KNTC1: variants seen among roughly 807,000 people sequenced by gnomAD.
KNTC1 encodes kinetochore-associated protein 1.
In KNTC1, 253 loss-of-function variants were observed where a neutral mutation model predicts 314.4. The observed-to-expected ratio is 0.80, with a 90% CI of 0.73 to 0.89. KNTC1 has a LOEUF of 0.89. KNTC1 is among the 40% of genes least tolerant of loss of function. The probability of loss-of-function intolerance (pLI) is 0.00; values close to 1 mark genes in which losing one functional copy is unlikely to be tolerated. For synonymous variants in KNTC1, 901 were observed against 901.4 expected, an observed-to-expected ratio of 1.00 and a Z score of 0.01; for missense variants, 2,475 against 2,572.9, an observed-to-expected ratio of 0.96 and a Z score of 0.82.
intron 31 of KNTC1, among the ~76,000 whole-genome samples, chr12:122,578,948 A>G (rs79803293): frequency 0.035 from 5,337 of 151,930 alleles, 341 homozygotes; most frequent in African/African-American, 0.12. Flanking sequence ...AAAATATGAA[A>G]GTAAATGACT....
intron 19 of KNTC1, 127 bp from the exon 20 acceptor site, chr12:122,562,511 A>T: frequency 1.6e-6 from 1 of 616,826 alleles, no homozygotes; most frequent in Non-Finnish European, 3.0e-6. Context: ...GTCCTATGGG[A>T]ATTGAGTTGT....
rs907024989 is a variant in KNTC1, at chr12:122,561,045, C to T, written c.1489-876C>T. On this transcript the variant is annotated intron_variant, in intron 18 of 63. Coordinates refer to ENST00000333479, the MANE Select transcript of KNTC1 (RefSeq NM_014708.6). ...ATGGATTCTTGGCTGGGTGCAGTGG[C>T]TCATGCCTATAATCCTAGCACTTTG... is the stretch of plus-strand genomic sequence containing the variant. 1.2e-4 allele frequency among the ~76,000 whole-genome samples: 19 copies of T among 152,258 alleles called. 1 individual carries two copies. Among genetic ancestry groups the T allele is most frequent in the East Asian group, 5.8e-4 (3 of 5,170 alleles).
At chr12:122,570,450 C>T (rs896202667) in intron 22 of KNTC1, among the ~76,000 whole-genome samples, 1 of 149,438 alleles carries the variant, frequency 6.7e-6, no homozygotes, top group African/African-American at 2.5e-5. Flanking sequence ...CAGGAGGTTG[C>T]AGTGAACCGA....
chr12:122,585,581 C>T, intron 36 of KNTC1, 55 bp from the exon 37 acceptor site: 1 of 1,578,004 alleles, frequency 6.3e-7, no homozygotes, highest in Non-Finnish European at 8.7e-7. Context: ...CCAGAAGAAA[C>T]AATGTGTTGT....
chr12:122,566,993 C>T (rs924672905), intron 20 of KNTC1, among the ~76,000 whole-genome samples: 10 of 151,706 alleles, frequency 6.6e-5, no homozygotes, highest in Non-Finnish European at 1.0e-4. Flanking sequence ...GCTTGGCCAC[C>T]GAAAGTGCTG....
In KNTC1 at chr12:122,584,319, T is replaced by G. The variant is rs1419972138; in HGVS notation, c.3305T>G (p.Leu1102Trp). The G allele has an allele frequency of 1.2e-6, 2 of 1,613,654 alleles. No homozygotes were observed. Among genetic ancestry groups the G allele is most frequent in the Admixed American group, 3.3e-5 (2 of 59,996 alleles). ...CACTGCAATGCTGACACTGGGAAAT[T>G]GCTATTTCTGACATGTCAGAAGCTT... ...KYHCNADTGK[L>W]LFLTCQKLCQ... Residue 1102 changes from leucine to tryptophan, a missense_variant, in exon 35 of 64, where the codon TTG becomes TGG. Coordinates refer to ENST00000333479, the MANE Select transcript of KNTC1 (RefSeq NM_014708.6).
chr12:122,538,544 G>A, intron 4 of KNTC1, 90 bp downstream of exon 4: 1 of 727,774 alleles, frequency 1.4e-6, no homozygotes. Flanking sequence ...TACTTAACAT[G>A]TGTTTTAAAT....
At chr12:122,570,826 A>T in intron 22 of KNTC1, 50 bp from the exon 23 acceptor site, 1 of 1,119,818 alleles carries the variant, frequency 8.9e-7, no homozygotes, top group South Asian at 1.4e-5. Flanking sequence ...GTTTTTAGTT[A>T]TGTCAGTGAT....
intron 57 of KNTC1, 142 bp downstream of exon 57, chr12:122,615,668 C>T (rs891675483): frequency 7.8e-6 from 6 of 771,152 alleles, no homozygotes; most frequent in Non-Finnish European, 1.1e-5. Context: ...ACTCCTGTAA[C>T]CCCAACGCTT....
At chr12:122,557,827 A>G in intron 18 of KNTC1, 138 bp downstream of exon 18, 1 of 624,372 alleles carries the variant, frequency 1.6e-6, no homozygotes, top group Non-Finnish European at 2.8e-6. Context: ...ATAATAGCTT[A>G]ATGGAGATAA....
chr12:122,545,366 T>C (rs1234308145), intron 8 of KNTC1, among the ~76,000 whole-genome samples: 1 of 151,996 alleles, frequency 6.6e-6, no homozygotes, highest in Admixed American at 6.6e-5. Flanking sequence ...ACACCTGTGA[T>C]CACCCCACTT....
intron 21 of KNTC1, 149 bp downstream of exon 21, chr12:122,568,521 A>G (rs959877019): frequency 2.9e-6 from 2 of 700,132 alleles, no homozygotes; most frequent in Non-Finnish European, 2.6e-6. Flanking sequence ...TTTTGTTTGT[A>G]AAGGGCAAGG....
At chr12:122,594,237 G>T in intron 42 of KNTC1, 39 bp from the exon 43 acceptor site, 1 of 1,131,540 alleles carries the variant, frequency 8.8e-7, no homozygotes, top group South Asian at 1.3e-5. Context: ...TTTCAGTGTA[G>T]AGGGTTTTTT....
intron 30 of KNTC1, 46 bp downstream of exon 30, chr12:122,577,075 G>GTGT (rs537278544): frequency 1.9e-5 from 27 of 1,421,260 alleles, no homozygotes; most frequent in East Asian, 8.2e-5. Context: ...CTTTGTTTCT[G>GTGT]TGTTGTTGTT....
chr12:122,573,465 A>C (rs557764564), intron 26 of KNTC1, among the ~76,000 whole-genome samples, 180 bp downstream of exon 26: 2 of 152,316 alleles, frequency 1.3e-5, no homozygotes, highest in East Asian at 3.9e-4. Flanking sequence ...GGGGGGATAC[A>C]TGAGGACTGT....
intron 16 of KNTC1, among the ~76,000 whole-genome samples, chr12:122,556,315 G>C (rs999403259): frequency 2.0e-5 from 3 of 151,686 alleles, no homozygotes; most frequent in Non-Finnish European, 4.4e-5. Flanking sequence ...ACCACGCCTG[G>C]CTCTTTTAGC....
intron 51 of KNTC1, 139 bp from the exon 52 acceptor site, chr12:122,609,245 A>G (rs1566013909): frequency 4.5e-6 from 3 of 662,776 alleles, no homozygotes; most frequent in Non-Finnish European, 8.0e-6. Flanking sequence ...AAATCTTTTC[A>G]TAATTTATGT....
chr12:122,575,239 C>T (rs1964934487), intron 27 of KNTC1, among the ~76,000 whole-genome samples: 1 of 151,954 alleles, frequency 6.6e-6, no homozygotes, highest in Non-Finnish European at 1.5e-5. Flanking sequence ...CCAGCCTGGG[C>T]AATGGGAACA....
intron 1 of KNTC1, among the ~76,000 whole-genome samples, chr12:122,528,516 G>A (rs777885699): frequency 2.0e-5 from 3 of 152,142 alleles, no homozygotes; most frequent in African/African-American, 7.2e-5. Context: ...ATCAAGGCCA[G>A]CCAGGGCAAA....
Sources: gnomAD v4.1 joint callset for allele counts (sites outside exome capture counted in the v4.1 genomes callset) on GRCh38, gnomAD v4.1.1 for gene constraint, MANE v1.5 for transcripts, NCBI Gene and HGNC (gene_info 2026-07-23, HGNC 2026-07-21) for gene names.